Variants in UPRT observed in about 807,000 individuals in gnomAD.
The protein encoded by UPRT is uracil phosphoribosyltransferase homolog.
UPRT carries 5 observed loss-of-function variants against 22.6 expected under a neutral mutation model. The observed-to-expected ratio is 0.22, with a 90% CI of 0.12 to 0.47. The LOEUF (loss-of-function observed/expected upper bound fraction) is 0.47, where lower values mean the gene tolerates loss of function less well. UPRT is among the 20% of genes least tolerant of loss of function. The pLI, the probability that UPRT is intolerant of heterozygous loss-of-function variation, is 0.99. For missense variants in UPRT, 181 were observed against 239.9 expected, an observed-to-expected ratio of 0.75 and a Z score of 1.62; for synonymous variants, 77 against 87.7, an observed-to-expected ratio of 0.88 and a Z score of 0.68.
chrX:75,219,006 T>C lies in UPRT; in HGVS notation c.-447+51127T>C, dbSNP rs949970355. On this transcript the variant is annotated intron_variant, in intron 4 of 13. Coordinates refer to the UPRT transcript ENST00000652605. Reference sequence around the variant, plus strand: ...ATACATATGTAACTAACCTGCACATTGTGCACATGTACCCTAAAACTTAAA... The same window carrying C: ...ATACATATGTAACTAACCTGCACATCGTGCACATGTACCCTAAAACTTAAA... Among the ~76,000 whole-genome samples the C allele has an allele frequency of 1.4e-4, 16 of 110,872 alleles. No homozygotes were observed. In the Admixed American group the frequency reaches 1.5e-3, roughly 11 times the overall value.
At chrX:75,160,537 A>G (rs1335065898) in intron 1 of UPRT, among the ~76,000 whole-genome samples, 1 of 111,562 alleles carries the variant, frequency 9.0e-6, no homozygotes, top group Non-Finnish European at 1.9e-5. Context: ...TTATTTGTTT[A>G]TTTATTTTTT....
chrX:75,272,360 GTATA>G (rs202123958), upstream of UPRT, among the ~76,000 whole-genome samples: 1 of 81,321 alleles, frequency 1.2e-5, no homozygotes, highest in African/African-American at 4.6e-5. Flanking sequence ...ATATATATGT[GTATA>G]TATATATATG....
intron 4 of UPRT, among the ~76,000 whole-genome samples, chrX:75,250,554 T>C (rs1316890358): frequency 2.7e-5 from 3 of 111,267 alleles, no homozygotes; most frequent in Non-Finnish European, 3.8e-5. Flanking sequence ...GGCTCTGAAA[T>C]TGAGGCAATA....
intron 2 of UPRT, among the ~76,000 whole-genome samples, chrX:75,161,151 C>G (rs2082198271): frequency 8.9e-6 from 1 of 112,044 alleles, no homozygotes; most frequent in Non-Finnish European, 1.9e-5. Context: ...GTTTTAAGCA[C>G]TGCACTGCAC....
intron 4 of UPRT, among the ~76,000 whole-genome samples, chrX:75,217,280 C>T (rs1451707054): frequency 2.7e-5 from 3 of 110,903 alleles, no homozygotes; most frequent in Admixed American, 9.6e-5. Context: ...ATTGACTTGG[C>T]GATGCGGGCT....
intron 1 of UPRT, among the ~76,000 whole-genome samples, chrX:75,290,793 T>G (rs962128695): frequency 1.8e-5 from 2 of 109,447 alleles, no homozygotes; most frequent in African/African-American, 6.7e-5. Context: ...TGGGGACTAC[T>G]AAATGGGGGA....
At chrX:75,275,814 ATCC>A (rs901492925) in intron 1 of UPRT, among the ~76,000 whole-genome samples, 2 of 111,037 alleles carry the variant, frequency 1.8e-5, no homozygotes, top group Non-Finnish European at 3.8e-5. Flanking sequence ...GGCTCAAGTA[ATCC>A]TCCTGCCTTA....
chrX:75,230,348 A>C (rs964290277), intron 4 of UPRT, among the ~76,000 whole-genome samples: 1 of 111,112 alleles, frequency 9.0e-6, no homozygotes, highest in Non-Finnish European at 1.9e-5. Context: ...CCTAAGACAA[A>C]AGACATAAGC....
intron 1 of UPRT, among the ~76,000 whole-genome samples, chrX:75,292,702 T>A (rs1244652352): frequency 1.8e-5 from 2 of 111,638 alleles, no homozygotes; most frequent in Non-Finnish European, 3.8e-5. Flanking sequence ...TTAACTTATA[T>A]GGAAGAAAGA....
intron 3 of UPRT, among the ~76,000 whole-genome samples, chrX:75,164,176 C>CTAAA (rs768965736): frequency 0.012 from 1,344 of 110,220 alleles, 23 homozygotes; most frequent in African/African-American, 0.039. Flanking sequence ...GTCTCCATCT[C>CTAAA]TAAATAAATA....
intron 4 of UPRT, among the ~76,000 whole-genome samples, chrX:75,204,433 A>G (rs1374608803): frequency 8.9e-6 from 1 of 112,826 alleles, no homozygotes. Flanking sequence ...TTTGCCACAC[A>G]GGAAAAAAGA....
At chrX:75,251,117 CA>C (rs754278351) in intron 4 of UPRT, among the ~76,000 whole-genome samples, 347 of 111,321 alleles carry the variant, frequency 3.1e-3, no homozygotes, top group Admixed American at 5.8e-3. Flanking sequence ...ACTAAATGGA[CA>C]AAAACTGGAA....
At chrX:75,227,919 A>C (rs749601189) in intron 4 of UPRT, among the ~76,000 whole-genome samples, 1 of 112,410 alleles carries the variant, frequency 8.9e-6, no homozygotes, top group East Asian at 2.8e-4. Context: ...CAACTTCAGC[A>C]TTGCCTCTTT....
chrX:75,258,610 G>A (rs1444437038), intron 4 of UPRT, among the ~76,000 whole-genome samples: 1 of 112,105 alleles, frequency 8.9e-6, no homozygotes, highest in African/African-American at 3.2e-5. Context: ...TGAAAGAAAG[G>A]CAGCAACCCC....
chrX:75,186,401 T>C (rs1424610053), intron 4 of UPRT, among the ~76,000 whole-genome samples: 1 of 111,619 alleles, frequency 9.0e-6, no homozygotes, highest in Non-Finnish European at 1.9e-5. Context: ...TTGTTATAAT[T>C]TCTGTTCTTT....
At chrX:75,223,475 G>A (rs2082415724) in intron 4 of UPRT, among the ~76,000 whole-genome samples, 1 of 111,182 alleles carries the variant, frequency 9.0e-6, no homozygotes, top group Middle Eastern at 4.6e-3. Context: ...GGACCCCAGA[G>A]CACTTTAGCC....
rs1321782628 is a variant in UPRT at position 75,304,487 on chromosome X, C to G, written c.*976C>G. 1 of 111,912 alleles carries G rather than the reference C, an allele frequency of 8.9e-6. No homozygotes were observed. Among genetic ancestry groups the G allele is most frequent in the Non-Finnish European group, 1.9e-5 (1 of 53,228 alleles). The allele number at this position is 111,912 out of a possible 1,213,427, so 9.2% of individuals were successfully genotyped here. On this transcript the variant is annotated 3_prime_UTR_variant, in exon 7 of 7. Coordinates refer to ENST00000373383, the MANE Select transcript of UPRT (RefSeq NM_145052.4). ...ACCCCTAAGATTTGTATATGTTCAT[C>G]TTTAGGCTTCTGAAAGGGAGAGAAA...
chrX:75,189,448 T>A (rs1435172500), intron 4 of UPRT, among the ~76,000 whole-genome samples: 1 of 112,143 alleles, frequency 8.9e-6, no homozygotes, highest in African/African-American at 3.2e-5. Flanking sequence ...CTGAGAAGAA[T>A]GTATATTCTG....
intron 4 of UPRT, among the ~76,000 whole-genome samples, chrX:75,257,496 A>G (rs932662851): frequency 3.6e-5 from 4 of 111,801 alleles, no homozygotes; most frequent in African/African-American, 1.3e-4. Context: ...CCTCTTCAAC[A>G]TAGTACTAAA....
Sources: allele counts gnomAD v4.1 joint callset (sites outside exome capture counted in the v4.1 genomes callset), GRCh38; gene constraint gnomAD v4.1.1; transcripts MANE v1.5; gene names NCBI Gene and HGNC (gene_info 2026-07-23, HGNC 2026-07-21).